CHD2: variants seen among roughly 807,000 people sequenced by gnomAD.
CHD2 encodes the protein chromodomain helicase DNA binding protein 2, also known as ATP-dependent chromatin remodeler CHD2.
In CHD2, 28 loss-of-function variants were observed where a neutral mutation model predicts 243.9. The observed-to-expected ratio is 0.11, with a 90% CI of 0.09 to 0.16. The LOEUF (loss-of-function observed/expected upper bound fraction) is 0.16, where lower values mean the gene tolerates loss of function less well. Ranked by LOEUF, CHD2 falls within the 10% of genes least tolerant of loss-of-function variation. CHD2 has a pLI of 1.00. For missense variants in CHD2, 1,386 were observed against 2,209.8 expected (o/e 0.63, Z 7.47); for synonymous variants, 775 against 779.0 (o/e 0.99, Z 0.09).
At chr15:92,958,724 A>G (rs546128706) in intron 16 of CHD2, among the ~76,000 whole-genome samples, 1 of 152,346 alleles carries the variant, frequency 6.6e-6, no homozygotes, top group Non-Finnish European at 1.5e-5. Flanking sequence ...CACTTTCAGT[A>G]GAAAGTATAC....
chr15:92,981,673 T>C (rs1031263221), intron 24 of CHD2, among the ~76,000 whole-genome samples: 12 of 152,130 alleles, frequency 7.9e-5, no homozygotes, highest in Admixed American at 3.3e-4. Context: ...CTATGTAGAG[T>C]CAGTGTGTGG....
Position 92,901,557 on chromosome 15 carries a change from C to G in CHD2, c.62+258C>G, listed in dbSNP as rs1184691241. 7.8e-6 allele frequency: 4 copies of G among 515,480 alleles called. No individual in the cohort carries two copies. The Admixed American group carries it at 1.5e-4, about 19-fold the overall frequency. The allele number at this position is 515,480 out of a possible 1,614,324, so 31.9% of individuals were successfully genotyped here. A position where few individuals can be genotyped will look rare whatever the true frequency, so the allele number is the denominator to read the frequency against. On this transcript the variant is annotated intron_variant, in intron 2 of 38. Transcript: ENST00000394196. ...GTAAGGTACCTTTATTCAAAGGGGC[C>G]TTTACTGTAATGTACAGTTTTTCTG...
At chr15:92,951,886 A>C (rs186867165) in intron 13 of CHD2, among the ~76,000 whole-genome samples, 1 of 152,346 alleles carries the variant, frequency 6.6e-6, no homozygotes, top group Admixed American at 6.5e-5. Context: ...TGTAGAACAC[A>C]GAAGGTATTT....
At chr15:93,023,023 T>C (rs1421768590) in intron 38 of CHD2, among the ~76,000 whole-genome samples, 1 of 152,244 alleles carries the variant, frequency 6.6e-6, no homozygotes, top group African/African-American at 2.4e-5. Context: ...CTTTCTTTCA[T>C]TGAGGTGAAA....
chr15:92,932,990 G>A (rs1369161031), intron 5 of CHD2, among the ~76,000 whole-genome samples: 4 of 150,980 alleles, frequency 2.6e-5, no homozygotes, highest in South Asian at 2.1e-4. Flanking sequence ...TGATCCACCC[G>A]CCTCAGCCTC....
intron 28 of CHD2, chr15:92,993,378 G>A (rs140446666): frequency 2.4e-5 from 4 of 166,088 alleles, no homozygotes; most frequent in Admixed American, 1.2e-4. Context: ...TATATTGTGC[G>A]TTATGGCAAA....
At chr15:92,945,909 A>G (rs774269045) in intron 11 of CHD2, 44 bp downstream of exon 11, 1 of 1,514,550 alleles carries the variant, frequency 6.6e-7, no homozygotes, top group Admixed American at 1.9e-5. Context: ...AACATTTCAG[A>G]ACAGTGTATG....
chr15:92,988,284 C>T (rs1276522224), intron 26 of CHD2, among the ~76,000 whole-genome samples: 1 of 152,044 alleles, frequency 6.6e-6, no homozygotes, highest in Non-Finnish European at 1.5e-5. Context: ...GGGATTTCAC[C>T]ATGTTGGCCA....
In CHD2 at chr15:92,978,347, A is replaced by C. The variant is rs1234370943; in HGVS notation, c.2691A>C (p.Ala897=). 1 of 1,614,176 alleles carries C rather than the reference A, an allele frequency of 6.2e-7. No homozygotes were observed. The highest frequency in any genetic ancestry group is 2.2e-5 in the East Asian group (1 of 44,878). ...SDWNPQNDLQ[A]QARAHRIGQK... is the part of the protein sequence containing the mutation. ...GGAACCCCCAGAATGACTTGCAGGC[A>C]CAAGCCCGAGCGCATAGAATTGGTC... Residue 897 remains alanine, a synonymous_variant, in exon 21 of 39, where the codon GCA becomes GCC. Transcript: ENST00000394196.
rs370256848 is a variant in CHD2 at position 93,024,464 on chromosome 15, C to T, written c.5246C>T (p.Pro1749Leu). The T allele has an allele frequency of 1.9e-6, 3 of 1,614,196 alleles. No homozygotes were observed. Among genetic ancestry groups the T allele is most frequent in the Non-Finnish European group, 2.5e-6 (3 of 1,180,038 alleles). ...QDFRRMSDHR[P>L]AMGYHGQGPS... is the part of the protein sequence containing the mutation. ...TTCCGACGAATGTCTGATCACCGCC[C>T]CGCTATGGGCTACCATGGCCAGGGA... Residue 1749 changes from proline to leucine, a missense_variant, in exon 39 of 39, where the codon CCC becomes CTC. By Grantham distance (98) the Pro-to-Leu change is moderately conservative. This residue lies in a region of CHD2 where 347 missense variants were observed against 341.6 expected (regional missense o/e 1.02). Coordinates refer to ENST00000394196, the MANE Select transcript of CHD2 (RefSeq NM_001271.4).
At position 92,993,209 on chromosome 15, in the gene CHD2, A is replaced by G. The variant is rs2054143113; in HGVS notation, c.3595+211A>G. The G allele has an allele frequency of 2.1e-5, 10 of 479,020 alleles. No individual in the cohort carries two copies. The South Asian group carries it at 3.2e-4, about 15-fold the overall frequency. 29.7% of individuals were successfully genotyped at this position (479,020 alleles called of 1,614,324 possible). ...GTTGATTTGCAGAAGGTGTAGAGTG[A>G]AGAAAAAGATGAAATGGTTTTTTTT... is the stretch of plus-strand genomic sequence containing the variant. On this transcript the variant is annotated intron_variant, in intron 28 of 38. Coordinates refer to ENST00000394196, the MANE Select transcript of CHD2 (RefSeq NM_001271.4).
intron 2 of CHD2, among the ~76,000 whole-genome samples, chr15:92,903,870 C>T (rs1356705298): frequency 6.6e-6 from 1 of 152,158 alleles, no homozygotes; most frequent in African/African-American, 2.4e-5. Context: ...ACCTGAGGTG[C>T]GGGTAAATCC....
intron 36 of CHD2, among the ~76,000 whole-genome samples, chr15:93,013,335 A>AG (rs141021566): frequency 2.6e-3 from 392 of 152,350 alleles, no homozygotes; most frequent in African/African-American, 9.0e-3. Context: ...TGAAATAGTT[A>AG]GGAAAGGCCC....
In CHD2 at chr15:92,984,414, C is replaced by G. The variant is rs888718300; in HGVS notation, c.3151C>G (p.Gln1051Glu). 1 of 1,611,408 alleles carries G rather than the reference C, an allele frequency of 6.2e-7. No homozygotes were observed. The highest frequency in any genetic ancestry group is 1.3e-5 in the African/African-American group (1 of 74,850). The part of the protein sequence containing the change: ...KDWDEIIPEE[Q>E]RKKVEEEERQ... ...CTGGGATGAGATCATTCCAGAGGAA[C>G]AAAGGAAAAAAGTAGAGGAGGAAGA... Residue 1051 changes from glutamine (Q) to glutamate (E), a missense_variant, in exon 25 of 39, where the codon CAA (glutamine) becomes GAA (glutamate). Around this residue, in one of 19 missense-constraint regions of CHD2, gnomAD observed 99 missense variants for 206.4 expected, o/e 0.48. Coordinates refer to ENST00000394196, the MANE Select transcript of CHD2 (RefSeq NM_001271.4).
rs540661744 is a variant in CHD2 at position 92,903,948 on chromosome 15, A to G, written c.62+2649A>G. ...GGGATGATTAGAAATGGCATAATGC[A>G]GTTACTTGTGTACTAGAACAGGCAG... On this transcript the variant is annotated intron_variant, in intron 2 of 38. Transcript: ENST00000394196. Among the ~76,000 whole-genome samples the G allele has an allele frequency of 2.0e-5, 3 of 152,380 alleles. No homozygotes were observed. In the East Asian group the frequency reaches 5.8e-4, roughly 29 times the overall value.
chr15:93,009,052 G>C (rs1458490934), intron 34 of CHD2, 93 bp from the exon 35 acceptor site: 3 of 1,360,390 alleles, frequency 2.2e-6, no homozygotes, highest in Middle Eastern at 1.9e-4. Flanking sequence ...TGGCATAGGG[G>C]TGGGCTGTGT....
At chr15:93,009,068 T>C in intron 34 of CHD2, 77 bp from the exon 35 acceptor site, 2 of 1,490,934 alleles carry the variant, frequency 1.3e-6, no homozygotes, top group Non-Finnish European at 1.8e-6. Context: ...TGTGTTTTCA[T>C]CGAGAGCACA....
chr15:92,920,352 G>A (rs1469043771), intron 2 of CHD2, among the ~76,000 whole-genome samples: 1 of 152,192 alleles, frequency 6.6e-6, no homozygotes, highest in Non-Finnish European at 1.5e-5. Context: ...TATTGATTAA[G>A]TGAAAAATCT....
chr15:93,011,722 C>T lies in CHD2; in HGVS notation c.4593-623C>T, dbSNP rs190841975. Among the ~76,000 whole-genome samples, 128 of 152,186 alleles carry T rather than the reference C, an allele frequency of 8.4e-4. 1 individual carries two copies. The highest frequency in any genetic ancestry group is 2.8e-3 in the African/African-American group (116 of 41,496). On this transcript the variant is annotated intron_variant, in intron 35 of 38. Coordinates refer to ENST00000394196, the MANE Select transcript of CHD2 (RefSeq NM_001271.4). ...GTCTCATCATATCATTCCCCTGTTG[C>T]GCAGTAACACCATGCTAGGGTGAAC...
Sources: allele counts gnomAD v4.1 joint callset (sites outside exome capture counted in the v4.1 genomes callset), GRCh38; gene constraint gnomAD v4.1.1; regional missense constraint gnomAD v4.1.1; transcripts MANE v1.5; gene names NCBI Gene and HGNC (gene_info 2026-07-23, HGNC 2026-07-21).